Variants in CTNNA3 observed in about 807,000 individuals in gnomAD.
The protein encoded by CTNNA3 is catenin alpha 3, also known as catenin alpha-3.
In CTNNA3, 76 loss-of-function variants were observed where a neutral mutation model predicts 95.7. That is an observed-to-expected ratio of 0.79 (90% CI 0.66 to 0.96). The LOEUF (loss-of-function observed/expected upper bound fraction) is 0.96. CTNNA3 is among the 40% of genes least tolerant of loss of function. CTNNA3 has a pLI of 0.00. For synonymous variants in CTNNA3, 431 were observed against 374.4 expected (o/e 1.15, Z -1.74); for missense variants, 1,191 against 1,089.8 (o/e 1.09, Z -1.31).
At chr10:66,528,394 G>C (rs1017649860) in intron 10 of CTNNA3, among the ~76,000 whole-genome samples, 2 of 152,090 alleles carry the variant, frequency 1.3e-5, no homozygotes. Flanking sequence ...GGAAACCCTT[G>C]AACATCTAAA....
Position 67,515,458 on chromosome 10 carries a change from G to T in CTNNA3, c.579+6384C>A, listed in dbSNP as rs149887864. Among the ~76,000 whole-genome samples, 1,137 of 152,256 alleles carry T rather than the reference G, an allele frequency of 7.5e-3. 8 individuals carry two copies. The highest frequency in any genetic ancestry group is 0.01 in the Non-Finnish European group (706 of 68,020). ...TGTACAATTGAATAAAAATGAAATTGCATAAGTAGTGGATAGAATATGTTT... is the reference window on the plus strand; with the variant it reads ...TGTACAATTGAATAAAAATGAAATTTCATAAGTAGTGGATAGAATATGTTT... On this transcript the variant is annotated intron_variant, in intron 5 of 17. Transcript: ENST00000433211.
At chr10:66,765,781 C>T (rs1839822692) in intron 9 of CTNNA3, among the ~76,000 whole-genome samples, 3 of 152,038 alleles carry the variant, frequency 2.0e-5, no homozygotes, top group Admixed American at 2.0e-4. Context: ...TCTTCTTTTG[C>T]CCCTGTGGGG....
intron 13 of CTNNA3, among the ~76,000 whole-genome samples, chr10:66,166,008 C>T (rs2131818562): frequency 1.3e-5 from 2 of 152,068 alleles, no homozygotes; most frequent in Middle Eastern, 3.4e-3. Context: ...CCTTGTGATC[C>T]ATCCTCTTCG....
chr10:66,078,135 G>C (rs1230685447), intron 14 of CTNNA3, among the ~76,000 whole-genome samples: 1 of 151,750 alleles, frequency 6.6e-6, no homozygotes, highest in Non-Finnish European at 1.5e-5. Flanking sequence ...TTAGACAGAG[G>C]TAGTTATTAG....
At chr10:66,258,829 T>C (rs2090888408) in intron 13 of CTNNA3, among the ~76,000 whole-genome samples, 1 of 152,152 alleles carries the variant, frequency 6.6e-6, no homozygotes, top group African/African-American at 2.4e-5. Flanking sequence ...AATTACCCCC[T>C]AGCTAAAAAA....
chr10:67,047,134 C>G (rs1854804745), intron 7 of CTNNA3, among the ~76,000 whole-genome samples: 1 of 152,202 alleles, frequency 6.6e-6, no homozygotes, highest in African/African-American at 2.4e-5. Context: ...CACTTATCTT[C>G]TCCCATCCCA....
At position 66,440,053 on chromosome 10, in the gene CTNNA3, G is replaced by C. The variant is rs557821886; in HGVS notation, c.1532-60701C>G. Among the ~76,000 whole-genome samples, 5 of 152,138 alleles carry C rather than the reference G, an allele frequency of 3.3e-5. No individual in the cohort carries two copies. The South Asian group carries it at 8.3e-4, about 25-fold the overall frequency. ...GTCTCAGAACCATACTCTGTTATCA[G>C]TTTCTCATATTGATAGCATTTATGT... On this transcript the variant is annotated intron_variant, in intron 11 of 17. Transcript: ENST00000433211.
At chr10:67,559,675 G>A (rs567882298) in intron 3 of CTNNA3, among the ~76,000 whole-genome samples, 119 of 151,744 alleles carry the variant, frequency 7.8e-4, no homozygotes, top group Non-Finnish European at 1.3e-3. Flanking sequence ...GGCTTCAGAC[G>A]ATCAAACTAC....
chr10:67,450,185 T>C (rs901946112), intron 5 of CTNNA3, among the ~76,000 whole-genome samples: 2 of 152,164 alleles, frequency 1.3e-5, no homozygotes, highest in African/African-American at 2.4e-5. Context: ...GGAACACTTA[T>C]ATATTGTTGA....
At chr10:67,116,527 T>A (rs1398037488) in intron 7 of CTNNA3, among the ~76,000 whole-genome samples, 1 of 151,652 alleles carries the variant, frequency 6.6e-6, no homozygotes, top group African/African-American at 2.4e-5. Context: ...TATGTAGAAT[T>A]TTGCCTCTCC....
chr10:66,890,187 AATAG>A (rs1845212491), intron 7 of CTNNA3, among the ~76,000 whole-genome samples: 1 of 152,178 alleles, frequency 6.6e-6, no homozygotes, highest in South Asian at 2.1e-4. Flanking sequence ...GGAGATGCAG[AATAG>A]ATAGATAAAT....
rs537000905 is a variant in CTNNA3 at position 66,903,508 on chromosome 10, G to A, written c.1048-127984C>T. 2.0e-5 allele frequency among the ~76,000 whole-genome samples: 3 copies of A among 152,246 alleles called. No homozygotes were observed. The South Asian group carries it at 6.2e-4, about 32-fold the overall frequency. ...TCTCTCACCACTCCTATTCAACATA[G>A]TGTTGGAAGTTCTGGCCAGGACAAT... is the stretch of plus-strand genomic sequence containing the variant. On this transcript the variant is annotated intron_variant, in intron 7 of 17. Coordinates refer to ENST00000433211, the MANE Select transcript of CTNNA3 (RefSeq NM_013266.4).
At chr10:67,136,834 T>C (rs1490303779) in intron 7 of CTNNA3, among the ~76,000 whole-genome samples, 8 of 152,112 alleles carry the variant, frequency 5.3e-5, no homozygotes, top group Non-Finnish European at 4.4e-5. Flanking sequence ...AAAAGCCAAA[T>C]TGCCTTAAGT....
intron 1 of CTNNA3, among the ~76,000 whole-genome samples, chr10:67,681,384 T>C (rs1240196918): frequency 6.6e-6 from 1 of 152,106 alleles, no homozygotes; most frequent in East Asian, 1.9e-4. Context: ...TAAACTTAGC[T>C]TATGATAAAT....
intron 7 of CTNNA3, among the ~76,000 whole-genome samples, chr10:66,805,692 C>T (rs1310231016): frequency 6.6e-6 from 1 of 151,756 alleles, no homozygotes; most frequent in Non-Finnish European, 1.5e-5. Flanking sequence ...ATCATTAGAT[C>T]CAGATAACAG....
At chr10:66,294,295 T>G in intron 12 of CTNNA3, among the ~76,000 whole-genome samples, 1 of 152,122 alleles carries the variant, frequency 6.6e-6, no homozygotes. Flanking sequence ...TCAACTCTGT[T>G]CCAATGAGAG....
intron 1 of CTNNA3, among the ~76,000 whole-genome samples, chr10:67,691,515 T>A (rs1393378500): frequency 6.7e-6 from 1 of 149,046 alleles, no homozygotes; most frequent in Non-Finnish European, 1.5e-5. Flanking sequence ...GCCCATCGTC[T>A]GAGATGTGGG....
chr10:66,458,658 C>T (rs901449803), intron 11 of CTNNA3, among the ~76,000 whole-genome samples: 1 of 152,094 alleles, frequency 6.6e-6, no homozygotes, highest in Non-Finnish European at 1.5e-5. Context: ...CTAGGTGTGT[C>T]TTATTAGTAG....
chr10:66,596,697 A>G (rs1911336), intron 10 of CTNNA3, among the ~76,000 whole-genome samples: 46,826 of 151,940 alleles, frequency 0.31, 7,598 homozygotes, highest in Middle Eastern at 0.46. Flanking sequence ...CTTTCCTAAT[A>G]TCAGACAGTA....
Sources: gnomAD v4.1 joint callset for allele counts (sites outside exome capture counted in the v4.1 genomes callset) on GRCh38, gnomAD v4.1.1 for gene constraint, MANE v1.5 for transcripts, NCBI Gene and HGNC (gene_info 2026-07-23, HGNC 2026-07-21) for gene names.